ASIC2: variants seen among roughly 807,000 people sequenced by gnomAD.
The protein encoded by ASIC2 is acid-sensing ion channel 2.
In ASIC2, 25 loss-of-function variants were observed where a neutral mutation model predicts 57.3. The ratio of observed to expected loss-of-function variants is 0.44; its 90% CI spans 0.32 to 0.61. The LOEUF is 0.61. ASIC2 is among the 20% of genes least tolerant of loss of function. The pLI, the probability that ASIC2 is intolerant of heterozygous loss-of-function variation, is 0.06. For synonymous variants in ASIC2, 319 were observed against 307.5 expected (o/e 1.04, Z -0.39); for missense variants, 641 against 738.1 (o/e 0.87, Z 1.52).
chr17:33,034,216 T>C (rs1416000052), intron 3 of ASIC2, among the ~76,000 whole-genome samples: 1 of 152,218 alleles, frequency 6.6e-6, no homozygotes, highest in Non-Finnish European at 1.5e-5. Context: ...TTCACTTGTC[T>C]GCATCCTTCA....
At chr17:33,694,437 C>A (rs1275384564) in intron 1 of ASIC2, among the ~76,000 whole-genome samples, 1 of 152,170 alleles carries the variant, frequency 6.6e-6, no homozygotes, top group Admixed American at 6.5e-5. Flanking sequence ...GGCTGAACTT[C>A]TTGTGATTTC....
At chr17:34,143,035 T>C (rs940133774) in intron 1 of ASIC2, 1 of 152,016 alleles carries the variant, frequency 6.6e-6, no homozygotes, top group East Asian at 1.9e-4. Flanking sequence ...AGAATCAGGG[T>C]AAGAGAGAAT....
At chr17:33,269,685 TCCTGCCTG>T (rs1192370453) in intron 1 of ASIC2, among the ~76,000 whole-genome samples, 3 of 68,482 alleles carry the variant, frequency 4.4e-5, no homozygotes, top group Non-Finnish European at 8.8e-5. Flanking sequence ...CCTCCCTCCC[TCCTGCCTG>T]CCTGCCTGCC....
intron 1 of ASIC2, among the ~76,000 whole-genome samples, chr17:33,151,357 G>A (rs1260994346): frequency 6.6e-6 from 1 of 151,692 alleles, no homozygotes; most frequent in Non-Finnish European, 1.5e-5. Flanking sequence ...CTGGGCGACA[G>A]AGAGATACTT....
At chr17:33,828,447 T>C (rs1913007013) in intron 1 of ASIC2, 1 of 152,218 alleles carries the variant, frequency 6.6e-6, no homozygotes, top group Admixed American at 6.5e-5. Context: ...AGAAGTGATC[T>C]TCCATCTTGT....
intron 1 of ASIC2, among the ~76,000 whole-genome samples, chr17:34,127,187 CA>C (rs1654735769): frequency 6.6e-6 from 1 of 152,128 alleles, no homozygotes; most frequent in African/African-American, 2.4e-5. Context: ...TGTGAAAGGC[CA>C]GGGGGTCAAA....
intron 1 of ASIC2, among the ~76,000 whole-genome samples, chr17:33,878,485 T>C (rs1387520615): frequency 1.3e-5 from 2 of 152,100 alleles, no homozygotes; most frequent in Non-Finnish European, 2.9e-5. Context: ...GCCGATTCGA[T>C]CAACTGGAAG....
intron 1 of ASIC2, among the ~76,000 whole-genome samples, chr17:34,131,616 T>C (rs1373468541): frequency 6.6e-6 from 1 of 152,242 alleles, no homozygotes; most frequent in Non-Finnish European, 1.5e-5. Context: ...TGTGGTCTGC[T>C]GACAGCAGGG....
intron 1 of ASIC2, among the ~76,000 whole-genome samples, chr17:33,211,007 G>A (rs1907247646): frequency 6.6e-6 from 1 of 152,178 alleles, no homozygotes; most frequent in Non-Finnish European, 1.5e-5. Flanking sequence ...TGAAAGAAAT[G>A]CCAAATAAAG....
intron 9 of ASIC2, among the ~76,000 whole-genome samples, chr17:33,014,632 G>C (rs1363143851): frequency 6.6e-6 from 1 of 152,158 alleles, no homozygotes; most frequent in African/African-American, 2.4e-5. Flanking sequence ...TGAATCTTCA[G>C]GGTGGTTCCC....
At chr17:33,825,155 T>C (rs1362928939) in intron 1 of ASIC2, among the ~76,000 whole-genome samples, 3 of 152,306 alleles carry the variant, frequency 2.0e-5, no homozygotes, top group Middle Eastern at 6.8e-3. Context: ...TTTTTGTCAC[T>C]TCCCAACTGC....
intron 1 of ASIC2, among the ~76,000 whole-genome samples, chr17:34,021,837 GTTTTTT>G (rs11394863): frequency 8.5e-6 from 1 of 118,340 alleles, no homozygotes; most frequent in African/African-American, 3.1e-5. Context: ...GTTTTGTTTT[GTTTTTT>G]TTTTTTTTTT....
intron 1 of ASIC2, among the ~76,000 whole-genome samples, chr17:33,793,101 A>G (rs1354631852): frequency 6.6e-6 from 1 of 152,214 alleles, no homozygotes; most frequent in South Asian, 2.1e-4. Flanking sequence ...AATGAAAAAT[A>G]AGGGGAGCCT....
intron 3 of ASIC2, among the ~76,000 whole-genome samples, chr17:33,053,652 TTA>T (rs1389594138): frequency 6.6e-6 from 1 of 152,212 alleles, no homozygotes; most frequent in Non-Finnish European, 1.5e-5. Flanking sequence ...GCAGACTCAA[TTA>T]TATCATCATC....
At chr17:33,597,224 G>A (rs1567664640) in intron 1 of ASIC2, among the ~76,000 whole-genome samples, 1 of 152,342 alleles carries the variant, frequency 6.6e-6, no homozygotes, top group Non-Finnish European at 1.5e-5. Flanking sequence ...AGTCCCCATG[G>A]ACATCTCATG....
intron 1 of ASIC2, among the ~76,000 whole-genome samples, chr17:33,590,855 T>C (rs770871666): frequency 6.6e-6 from 1 of 152,236 alleles, no homozygotes; most frequent in African/African-American, 2.4e-5. Context: ...GCTGTAGTCT[T>C]CTCCCTCCAA....
intron 1 of ASIC2, among the ~76,000 whole-genome samples, chr17:33,883,073 C>A (rs1181605853): frequency 6.6e-6 from 1 of 151,808 alleles, no homozygotes; most frequent in Non-Finnish European, 1.5e-5. Flanking sequence ...AACACATGGA[C>A]ACAGGAAGGG....
Position 33,812,978 on chromosome 17 carries a change from C to T in ASIC2, c.555+343000G>A, listed in dbSNP as rs565207350. 9.9e-5 allele frequency among the ~76,000 whole-genome samples: 15 copies of T among 152,242 alleles called. No homozygotes were observed. In the South Asian group the frequency reaches 1.4e-3, roughly 15 times the overall value. ...GAGGGGGCTTCTTATGTTCCCTGTC[C>T]ATTTTTTGGCTCAGGGTGAGCTGCT... On this transcript the variant is annotated intron_variant, in intron 1 of 9. Coordinates refer to the ASIC2 transcript ENST00000359872.
chr17:33,579,279 T>A (rs1333285802), intron 1 of ASIC2, among the ~76,000 whole-genome samples: 2 of 113,138 alleles, frequency 1.8e-5, no homozygotes, highest in East Asian at 2.3e-4. Context: ...CGAATGAAAC[T>A]GTGTCTCAAA....
Sources: allele counts gnomAD v4.1 joint callset (sites outside exome capture counted in the v4.1 genomes callset), GRCh38; gene constraint gnomAD v4.1.1; transcripts MANE v1.5; gene names NCBI Gene and HGNC (gene_info 2026-07-23, HGNC 2026-07-21).